The following NMBR variants were observed in gnomAD, a reference collection of about 807,000 sequenced individuals.
The protein encoded by NMBR is neuromedin B receptor.
In NMBR, 16 loss-of-function variants were observed where a neutral mutation model predicts 20.5. That is an observed-to-expected ratio of 0.78 (90% CI 0.53 to 1.19). The LOEUF (loss-of-function observed/expected upper bound fraction) is 1.19, where lower values mean the gene tolerates loss of function less well. NMBR is among the 50% of genes most tolerant of loss of function. The probability of loss-of-function intolerance (pLI) is 0.00; values close to 1 mark genes in which losing one functional copy is unlikely to be tolerated. For synonymous variants in NMBR, 212 were observed against 196.6 expected (o/e 1.08, Z -0.65); for missense variants, 582 against 499.1 (o/e 1.17, Z -1.58).
intron 1 of NMBR, 30 bp downstream of exon 1, chr6:142,147,013 AG>A: frequency 2.3e-6 from 1 of 429,256 alleles, no homozygotes; most frequent in South Asian, 4.7e-5. Flanking sequence ...CAAACAAAAA[AG>A]CAAAACAAAA....
chr6:142,145,019 C>G (rs1356640358), intron 1 of NMBR, among the ~76,000 whole-genome samples: 1 of 22,814 alleles, frequency 4.4e-5, no homozygotes, highest in Non-Finnish European at 8.1e-5. Flanking sequence ...GAGAACCTGT[C>G]TAAAAAAAAA....
rs571896093 is a variant in NMBR, at chr6:142,132,201, T to C, written c.-664+14843A>G. 6.6e-5 allele frequency among the ~76,000 whole-genome samples: 10 copies of C among 152,310 alleles called. No homozygotes were observed. In the South Asian group the frequency reaches 1.0e-3, roughly 16 times the overall value. ...AATGACATTGTCTGGAGTTACAATC[T>C]TTGGCAGATCACAAGAAAATGAGAA... On this transcript the variant is annotated intron_variant, in intron 1 of 3. Coordinates refer to ENST00000258042, the MANE Select transcript of NMBR (RefSeq NM_002511.4).
chr6:142,126,093 T>A (rs543177349), intron 1 of NMBR, among the ~76,000 whole-genome samples: 1 of 151,930 alleles, frequency 6.6e-6, no homozygotes, highest in Non-Finnish European at 1.5e-5. Flanking sequence ...TACTCTCTGC[T>A]TCTATGAATT....
Position 142,088,273 on chromosome 6 carries a change from A to G in NMBR, c.386T>C (p.Val129Ala). Reference protein sequence around the residue: ...IPVIQLTSVGVSVFTLTALSA... With the variant: ...IPVIQLTSVGASVFTLTALSA... ...GAGGGCAGTGAGAGTGAACACGGAA[A>G]CCCCCACGGAAGTGAGCTGGATGAC... Residue 129 changes from valine (V) to alanine (A), a missense_variant, in exon 2 of 4, where the codon GTT becomes GCT. Physicochemically the swap from Val to Ala is moderately conservative, Grantham distance 64. Transcript: ENST00000258042. The G allele has an allele frequency of 6.2e-7, 1 of 1,613,348 alleles. No homozygotes were observed. Among genetic ancestry groups the G allele is most frequent in the South Asian group, 1.1e-5 (1 of 91,050 alleles).
intron 1 of NMBR, among the ~76,000 whole-genome samples, chr6:142,096,021 C>T (rs1485067674): frequency 6.6e-6 from 1 of 152,116 alleles, no homozygotes; most frequent in East Asian, 1.9e-4. Flanking sequence ...TTTTTTATTG[C>T]ATCTATTTGA....
rs66629528 is a variant in NMBR at position 142,088,902 on chromosome 6, TAAA to T, written c.-247_-245del. 4.8e-3 allele frequency: 1,495 copies of T among 310,290 alleles called. No individual in the cohort carries two copies. The highest frequency in any genetic ancestry group is 0.013 in the East Asian group (229 of 17,918). 19.2% of individuals were successfully genotyped at this position (310,290 alleles called of 1,614,324 possible). A position where few individuals can be genotyped will look rare whatever the true frequency, so the allele number is the denominator to read the frequency against. ...GCTCCGGCTAACTCTGAATTTAAAT[TAAA>T]AAAAAAAAAAAAGCAAAGCGGTTGC... On this transcript the variant is annotated 5_prime_UTR_variant, in exon 2 of 4. Transcript: ENST00000258042.
At chr6:142,108,366 A>C (rs1455595391) in intron 1 of NMBR, among the ~76,000 whole-genome samples, 6 of 152,212 alleles carry the variant, frequency 3.9e-5, no homozygotes, top group Non-Finnish European at 8.8e-5. Flanking sequence ...AACACCAGTA[A>C]GGTTATGTAC....
chr6:142,088,402 G>C lies in NMBR; in HGVS notation c.257C>G (p.Ala86Gly). The C allele has an allele frequency of 1.2e-6, 2 of 1,614,090 alleles. No homozygotes were observed. Among genetic ancestry groups the C allele is most frequent in the Non-Finnish European group, 1.7e-6 (2 of 1,179,998 alleles). ...GAGCAGCAGCAGCAAGTCCCCGGCC[G>C]CCAGGTTAGAGATGAAGATGTTGGG... is the stretch of plus-strand genomic sequence containing the variant. The part of the protein sequence containing the change: ...SVPNIFISNL[A>G]AGDLLLLLTC... Residue 86 changes from alanine to glycine, a missense_variant, in exon 2 of 4, where the codon GCG becomes GGG. Coordinates refer to ENST00000258042, the MANE Select transcript of NMBR (RefSeq NM_002511.4).
At chr6:142,110,433 G>A (rs1272882285) in intron 1 of NMBR, among the ~76,000 whole-genome samples, 1 of 152,154 alleles carries the variant, frequency 6.6e-6, no homozygotes, top group Non-Finnish European at 1.5e-5. Flanking sequence ...TATCTTGAGA[G>A]TATTATGCTA....
At chr6:142,084,210 A>G (rs868541357) in intron 2 of NMBR, among the ~76,000 whole-genome samples, 1 of 152,230 alleles carries the variant, frequency 6.6e-6, no homozygotes, top group Non-Finnish European at 1.5e-5. Context: ...CTATTTCAGT[A>G]TCTTAACAAA....
Position 142,088,468 on chromosome 6 carries a change from A to C in NMBR, c.191T>G (p.Leu64Arg). The change falls in exon 2 of 4, where the codon CTG (leucine) becomes CGG (arginine). Residue 64 changes from leucine to arginine, a missense_variant. Physicochemically the swap from Leu to Arg is moderately radical, Grantham distance 102. Transcript: ENST00000258042. ...ITVGLLGNIM[L>R]VKIFITNSAM... ...GCTGTTGGTGATGAAGATCTTCACC[A>C]GCATGATGTTGCCCAGCAAGCCCAC... The C allele has an allele frequency of 1.2e-6, 2 of 1,614,130 alleles. No homozygotes were observed. The highest frequency in any genetic ancestry group is 1.7e-6 in the Non-Finnish European group (2 of 1,180,016).
At chr6:142,134,804 T>C (rs1322282669) in intron 1 of NMBR, 1 of 678,602 alleles carries the variant, frequency 1.5e-6, no homozygotes, top group Non-Finnish European at 2.6e-6. Flanking sequence ...CCAGAACACT[T>C]TGAAAAAACC....
chr6:142,107,210 G>T (rs1777678586), intron 1 of NMBR, among the ~76,000 whole-genome samples: 1 of 152,078 alleles, frequency 6.6e-6, no homozygotes, highest in South Asian at 2.1e-4. Context: ...AAAGTCTATG[G>T]CATTTGAGAC....
At chr6:142,125,423 A>T (rs1428902557) in intron 1 of NMBR, among the ~76,000 whole-genome samples, 1 of 151,636 alleles carries the variant, frequency 6.6e-6, no homozygotes, top group South Asian at 2.1e-4. Context: ...CATTTCAACC[A>T]TATACACATA....
intron 1 of NMBR, among the ~76,000 whole-genome samples, chr6:142,103,983 T>C (rs1777611384): frequency 6.6e-6 from 1 of 152,204 alleles, no homozygotes; most frequent in African/African-American, 2.4e-5. Context: ...AAAGATACCA[T>C]ACTCTAGGAT....
At chr6:142,137,153 T>C (rs1778274558) in intron 1 of NMBR, among the ~76,000 whole-genome samples, 1 of 152,180 alleles carries the variant, frequency 6.6e-6, no homozygotes, top group African/African-American at 2.4e-5. Context: ...CCATTTCTTG[T>C]ATCCTCTTTT....
At chr6:142,140,108 T>C (rs185382462) in intron 1 of NMBR, among the ~76,000 whole-genome samples, 1 of 152,044 alleles carries the variant, frequency 6.6e-6, no homozygotes, top group Admixed American at 6.5e-5. Flanking sequence ...AAAGGAAACA[T>C]AAATGTAATT....
At chr6:142,123,929 A>T (rs1777989070) in intron 1 of NMBR, among the ~76,000 whole-genome samples, 1 of 151,964 alleles carries the variant, frequency 6.6e-6, no homozygotes, top group Non-Finnish European at 1.5e-5. Context: ...GATTAACTTC[A>T]GATGAGATTC....
In NMBR at chr6:142,096,322, A is replaced by C. The variant is rs1407091046; in HGVS notation, c.-663-7001T>G. On this transcript the variant is annotated intron_variant, in intron 1 of 3. Coordinates refer to ENST00000258042, the MANE Select transcript of NMBR (RefSeq NM_002511.4). ...TAAATTTCCCTCTACACACTGCTTT[A>C]AATGTGTCCCAGAGATTCTGGTATG... Among the ~76,000 whole-genome samples, 6 of 152,258 alleles carry C rather than the reference A, an allele frequency of 3.9e-5. No individual in the cohort carries two copies. In the East Asian group the frequency reaches 1.2e-3, roughly 29 times the overall value.
Sources: gnomAD v4.1 joint callset for allele counts (sites outside exome capture counted in the v4.1 genomes callset) on GRCh38, gnomAD v4.1.1 for gene constraint, MANE v1.5 for transcripts, NCBI Gene and HGNC (gene_info 2026-07-23, HGNC 2026-07-21) for gene names.